The following NFIC variants were observed in gnomAD, a reference collection of about 807,000 sequenced individuals.
NFIC encodes the protein nuclear factor I C.
NFIC carries 12 observed loss-of-function variants against 54.4 expected under a neutral mutation model. The observed-to-expected ratio is 0.22, with a 90% confidence interval of 0.14 to 0.36. The LOEUF is 0.36. NFIC is among the 10% of genes least tolerant of loss of function. NFIC has a pLI of 1.00. For missense variants in NFIC, 575 were observed against 718.2 expected (o/e 0.80, Z 2.28); for synonymous variants, 322 against 319.2 (o/e 1.01, Z -0.09).
chr19:3,416,477 GT>G (rs1437394533), intron 2 of NFIC, among the ~76,000 whole-genome samples: 5 of 150,546 alleles, frequency 3.3e-5, no homozygotes, highest in African/African-American at 7.3e-5. Context: ...AAATATATTT[GT>G]TTTTTTCTAT....
rs2082606528 is a variant in NFIC at position 3,459,293 on chromosome 19, T to C, written c.1509+2658T>C. 6.7e-6 allele frequency among the ~76,000 whole-genome samples: 1 copy of C among 149,130 alleles called. No individual in the cohort carries two copies. The highest frequency in any genetic ancestry group is 6.7e-5 in the Admixed American group (1 of 14,854). On this transcript the variant is annotated intron_variant, in intron 10 of 10. Transcript: ENST00000443272. The surrounding 1 kb of genome is among the most constrained non-coding windows in gnomAD (Gnocchi z 4.2). ...TCCCCGTGATCTATGCTAATTGATCTCGCCCTGGTCAGTTACCCACCCATC... is the reference window on the plus strand; with the variant it reads ...TCCCCGTGATCTATGCTAATTGATCCCGCCCTGGTCAGTTACCCACCCATC...
intron 10 of NFIC, among the ~76,000 whole-genome samples, chr19:3,461,706 G>C (rs2082641201): frequency 1.3e-5 from 2 of 151,580 alleles, no homozygotes; most frequent in Admixed American, 1.3e-4. Context: ...CTGGGCAACA[G>C]AGCAAGACTC....
Position 3,435,100 on chromosome 19 carries a change from C to T in NFIC, c.851C>T (p.Ser284Leu). Residue 284 changes from serine to leucine, a missense_variant, in exon 6 of 11, where the codon TCG (serine) becomes TTG (leucine). By Grantham distance (145) the Ser-to-Leu change is moderately radical. Around this residue, in one of 3 missense-constraint regions of NFIC, gnomAD observed 447 missense variants for 526.9 expected, o/e 0.85. Transcript: ENST00000443272. ...CCCATAAGGAGCAAGCGGCACAAATCGGGCTCGATGGAGGAAGACGTGGAC... is the reference window on the plus strand; with the variant it reads ...CCCATAAGGAGCAAGCGGCACAAATTGGGCTCGATGGAGGAAGACGTGGAC... ...TSSSGSKRHK[S>L]GSMEEDVDTS... The T allele has an allele frequency of 6.2e-7, 1 of 1,603,070 alleles. No homozygotes were observed.
chr19:3,446,345 G>T (rs998168291), intron 6 of NFIC, among the ~76,000 whole-genome samples: 1 of 152,070 alleles, frequency 6.6e-6, no homozygotes, highest in Non-Finnish European at 1.5e-5. Context: ...CTTGCCCAGG[G>T]TACTTTTGGT....
Position 3,394,068 on chromosome 19 carries a change from G to A in NFIC, c.562+11825G>A, listed in dbSNP as rs111880037. ...AGCAGTTCTCCTGCCTCAGCCTCCC[G>A]AGTAGCTGCCTCAGCTTCCCGAGTA... On this transcript the variant is annotated intron_variant, in intron 2 of 10. Coordinates refer to ENST00000443272, the MANE Select transcript of NFIC (RefSeq NM_001245002.2). 1.5e-3 allele frequency among the ~76,000 whole-genome samples: 229 copies of A among 151,428 alleles called. 1 individual carries two copies. Among genetic ancestry groups the A allele is most frequent in the African/African-American group, 5.1e-3 (212 of 41,332 alleles).
intron 6 of NFIC, among the ~76,000 whole-genome samples, chr19:3,441,633 T>C (rs989786725): frequency 6.6e-6 from 1 of 152,184 alleles, no homozygotes; most frequent in African/African-American, 2.4e-5. Context: ...TGTAACCTCA[T>C]TGGTGGACCG....
Position 3,468,889 on chromosome 19 carries a change from C to T in NFIC, c.*6120C>T, listed in dbSNP as rs1254917065. The stretch of plus-strand genomic sequence containing the variant: ...ACCCTCCCCTCCTCCTCCTACTTCT[C>T]CTCTTGACAGCGAGGACAGGAGGGG... On this transcript the variant is annotated 3_prime_UTR_variant, in exon 11 of 11. Coordinates refer to ENST00000443272, the MANE Select transcript of NFIC (RefSeq NM_001245002.2). The T allele has an allele frequency of 6.6e-6, 1 of 152,158 alleles. No homozygotes were observed. Among genetic ancestry groups the T allele is most frequent in the East Asian group, 1.9e-4 (1 of 5,174 alleles). 9.4% of individuals were successfully genotyped at this position (152,158 alleles called of 1,614,324 possible). A position where few individuals can be genotyped will look rare whatever the true frequency, so the allele number is the denominator to read the frequency against.
chr19:3,395,762 C>G (rs1402632594), intron 2 of NFIC, among the ~76,000 whole-genome samples: 1 of 151,990 alleles, frequency 6.6e-6, no homozygotes, highest in Non-Finnish European at 1.5e-5. Context: ...CTCACTGCAA[C>G]CTCCACCTCC....
At chr19:3,373,624 C>A (rs920655892) in intron 1 of NFIC, among the ~76,000 whole-genome samples, 4 of 124,900 alleles carry the variant, frequency 3.2e-5, no homozygotes, top group Non-Finnish European at 6.6e-5. Flanking sequence ...TGGACCCCCC[C>A]CCCAAGCTAA....
At chr19:3,383,554 G>A (rs1046447519) in intron 2 of NFIC, among the ~76,000 whole-genome samples, 1 of 152,190 alleles carries the variant, frequency 6.6e-6, no homozygotes, top group Non-Finnish European at 1.5e-5. Flanking sequence ...TAGCTGGATG[G>A]GGCTATGGGA....
At chr19:3,360,029 G>C (rs2080789749) in intron 1 of NFIC, among the ~76,000 whole-genome samples, 1 of 148,824 alleles carries the variant, frequency 6.7e-6, no homozygotes, top group Non-Finnish European at 1.5e-5. Context: ...GACCCCAGGC[G>C]GGAGGGCGCG....
chr19:3,453,715 G>C lies in NFIC; in HGVS notation c.1270-48G>C, dbSNP rs1444233855. ...GGGCGGCCGGCGCCAGCAGCCCGAG[G>C]TAGAGGGGGAGCCCACCCCTTAACC... On this transcript the variant is annotated intron_variant, in intron 8 of 10. Transcript: ENST00000443272. This position sits in a 1 kb window ranked among gnomAD's most constrained non-coding sequence, Gnocchi z 6.7. 1 of 1,561,872 alleles carries C rather than the reference G, an allele frequency of 6.4e-7. No homozygotes were observed.
chr19:3,368,378 G>A (rs1458515511), intron 1 of NFIC, among the ~76,000 whole-genome samples: 1 of 152,190 alleles, frequency 6.6e-6, no homozygotes, highest in Non-Finnish European at 1.5e-5. Context: ...TCCAGGCTTT[G>A]CCTCAGAGAA....
intron 2 of NFIC, among the ~76,000 whole-genome samples, chr19:3,422,308 A>G (rs1568438545): frequency 6.6e-6 from 1 of 151,702 alleles, no homozygotes; most frequent in South Asian, 2.1e-4. Flanking sequence ...TCCTGGCCTC[A>G]AGCGATCCTC....
intron 3 of NFIC, among the ~76,000 whole-genome samples, chr19:3,428,092 C>T (rs986144225): frequency 9.2e-5 from 14 of 151,738 alleles, no homozygotes; most frequent in East Asian, 1.9e-4. Flanking sequence ...ATTGCTTGAA[C>T]CCGGGAGACA....
At chr19:3,384,533 T>C (rs2081263148) in intron 2 of NFIC, among the ~76,000 whole-genome samples, 1 of 152,142 alleles carries the variant, frequency 6.6e-6, no homozygotes, top group Admixed American at 6.5e-5. Context: ...GGCTTACAGG[T>C]GACTGCCACC....
At chr19:3,404,751 C>T (rs1006099174) in intron 2 of NFIC, among the ~76,000 whole-genome samples, 3 of 152,224 alleles carry the variant, frequency 2.0e-5, no homozygotes, top group Non-Finnish European at 4.4e-5. Flanking sequence ...ATGTCATGGG[C>T]GGCGTGGCCT....
Position 3,370,480 on chromosome 19 carries a change from C to CT in NFIC, c.30+3814_30+3815insT, listed in dbSNP as rs914134882. Among the ~76,000 whole-genome samples the CT allele has an allele frequency of 1.4e-5, 2 of 146,856 alleles. No individual in the cohort carries two copies. Among genetic ancestry groups the CT allele is most frequent in the African/African-American group, 5.1e-5 (2 of 39,096 alleles). On this transcript the variant is annotated intron_variant, in intron 1 of 10. Coordinates refer to ENST00000443272, the MANE Select transcript of NFIC (RefSeq NM_001245002.2). This position sits in a 1 kb window ranked among gnomAD's most constrained non-coding sequence, Gnocchi z 5.2. ...GGGATTCTGGCAGAGTCAGCGTTCT[C>CT]CTCTCTCTCTCTCTCTCTCTCTGTC...
chr19:3,386,231 A>G (rs1338774795), intron 2 of NFIC, among the ~76,000 whole-genome samples: 2 of 151,510 alleles, frequency 1.3e-5, no homozygotes, highest in African/African-American at 4.9e-5. Context: ...TACCAAATAT[A>G]CAAAAAATTA....
Sources: gnomAD v4.1 joint callset for allele counts (sites outside exome capture counted in the v4.1 genomes callset) on GRCh38, gnomAD v4.1.1 for gene constraint, gnomAD v4.1.1 regional missense constraint, Gnocchi (gnomAD v3.1) non-coding constraint, MANE v1.5 for transcripts, NCBI Gene and HGNC (gene_info 2026-07-23, HGNC 2026-07-21) for gene names.